Variants in CHD5 observed in about 807,000 individuals in gnomAD.
The protein encoded by CHD5 is chromodomain helicase DNA binding protein 5.
A neutral mutation model predicts 230.3 loss-of-function variants in CHD5; 69 were observed. The ratio of observed to expected loss-of-function variants is 0.30; its 90% CI spans 0.25 to 0.37. The LOEUF is 0.37. Ranked by LOEUF, CHD5 falls within the 10% of genes least tolerant of loss-of-function variation. CHD5 has a pLI of 1.00. For missense variants in CHD5, 1,827 were observed against 2,622.8 expected, an observed-to-expected ratio of 0.70 and a Z score of 6.63; for synonymous variants, 1,064 against 1,065.9, an observed-to-expected ratio of 1.00 and a Z score of 0.03.
intron 1 of CHD5, among the ~76,000 whole-genome samples, chr1:6,173,793 G>A (rs979905974): frequency 4.6e-5 from 7 of 152,204 alleles, no homozygotes; most frequent in Admixed American, 1.3e-4. Flanking sequence ...CACCCTAGAC[G>A]CTGGCCAAGG....
chr1:6,121,784 C>G lies in CHD5; in HGVS notation c.4700-211G>C, dbSNP rs1666475427. Among the ~76,000 whole-genome samples the G allele has an allele frequency of 6.6e-6, 1 of 152,164 alleles. No individual in the cohort carries two copies. The highest frequency in any genetic ancestry group is 2.1e-4 in the South Asian group (1 of 4,824). On this transcript the variant is annotated intron_variant, in intron 31 of 41. Coordinates refer to ENST00000262450, the MANE Select transcript of CHD5 (RefSeq NM_015557.3). The surrounding 1 kb of genome is among the most constrained non-coding windows in gnomAD (Gnocchi z 4.5). ...TCAGGAGTGCTTGGAGGACCTTGAA[C>G]CCAGTAAGACCAAAGTGAGGGGCTG... is the stretch of plus-strand genomic sequence containing the variant.
At chr1:6,122,753 C>A (rs1197263820) in intron 31 of CHD5, among the ~76,000 whole-genome samples, 1 of 152,154 alleles carries the variant, frequency 6.6e-6, no homozygotes, top group African/African-American at 2.4e-5. Context: ...AATGGATAAG[C>A]AAAATGCAGT....
chr1:6,124,194 G>A, intron 30 of CHD5, 87 bp from the exon 31 acceptor site: 5 of 1,273,358 alleles, frequency 3.9e-6, no homozygotes, highest in Non-Finnish European at 5.5e-6. Flanking sequence ...AGCCAGGGGG[G>A]CTGAAAGTGT....
rs759321461 is a variant in CHD5, at chr1:6,128,583, C to A, written c.3646G>T (p.Val1216Phe). ...EGMMSQGQRP[V>F]TPIPDVQSSK... ...GACTGGACATCAGGGATGGGTGTGA[C>A]CGGCCTCTGGCCCTGAGACATCATG... The change falls in exon 24 of 42, where the codon GTC becomes TTC. Residue 1216 changes from valine to phenylalanine, a missense_variant. By Grantham distance (50) the Val-to-Phe change is conservative. This residue lies in a region of CHD5 where 25 missense variants were observed against 20.3 expected (regional missense o/e 1.23). Transcript: ENST00000262450. The surrounding 1 kb of genome is among the most constrained non-coding windows in gnomAD (Gnocchi z 7.8). The A allele has an allele frequency of 6.2e-7, 1 of 1,614,002 alleles. No individual in the cohort carries two copies. Among genetic ancestry groups the A allele is most frequent in the Non-Finnish European group, 8.5e-7 (1 of 1,179,908 alleles).
chr1:6,113,369 A>G (rs765222321), intron 33 of CHD5: 1 of 434,584 alleles, frequency 2.3e-6, no homozygotes, highest in South Asian at 1.6e-5. Flanking sequence ...GGCTCCCATG[A>G]GCCGAGATGG....
At position 6,125,155 on chromosome 1, in the gene CHD5, A is replaced by T; in HGVS notation, c.4339T>A (p.Phe1447Ile). The change falls in exon 29 of 42, where the codon TTC (phenylalanine) becomes ATC (isoleucine). Residue 1447 changes from phenylalanine to isoleucine, a missense_variant. Phe to Ile is a conservative substitution (Grantham distance 21). Coordinates refer to ENST00000262450, the MANE Select transcript of CHD5 (RefSeq NM_015557.3). This position sits in a 1 kb window ranked among gnomAD's most constrained non-coding sequence, Gnocchi z 6.7. ...TCCCGCACCAGCCAGTGGGAGTTGA[A>T]GGCGTCCTGCGGGGGCATGCCCCAG... Reference protein sequence around the residue: ...MRWGMPPQDAFNSHWLVRDLR... With the variant: ...MRWGMPPQDAINSHWLVRDLR... The T allele has an allele frequency of 6.2e-7, 1 of 1,606,272 alleles. No individual in the cohort carries two copies. Among genetic ancestry groups the T allele is most frequent in the Admixed American group, 1.7e-5 (1 of 58,894 alleles).
At chr1:6,122,944 C>A (rs1666494320) in intron 31 of CHD5, among the ~76,000 whole-genome samples, 1 of 151,986 alleles carries the variant, frequency 6.6e-6, no homozygotes, top group African/African-American at 2.4e-5. Flanking sequence ...GTGGCGGGCA[C>A]CTGTAATCCC....
intron 20 of CHD5, among the ~76,000 whole-genome samples, chr1:6,132,428 C>A (rs919935428): frequency 2.0e-5 from 3 of 152,142 alleles, no homozygotes; most frequent in East Asian, 1.9e-4. Context: ...TCTACGGGTT[C>A]ATTTATTTAT....
intron 2 of CHD5, among the ~76,000 whole-genome samples, chr1:6,163,553 A>G (rs1279425518): frequency 6.6e-6 from 1 of 152,222 alleles, no homozygotes; most frequent in Non-Finnish European, 1.5e-5. Flanking sequence ...CTCCTTGCAG[A>G]GAAAGCTGCA....
intron 1 of CHD5, among the ~76,000 whole-genome samples, chr1:6,178,026 G>A (rs529651377): frequency 1.3e-5 from 2 of 152,180 alleles, no homozygotes; most frequent in Non-Finnish European, 2.9e-5. Context: ...ACAGAGGCTT[G>A]GACCCAGAAC....
chr1:6,161,258 G>C (rs1279506098), intron 2 of CHD5, among the ~76,000 whole-genome samples: 1 of 152,122 alleles, frequency 6.6e-6, no homozygotes, highest in Admixed American at 6.5e-5. Flanking sequence ...TGTCAAGAGG[G>C]GATGACCTGC....
intron 9 of CHD5, among the ~76,000 whole-genome samples, chr1:6,148,355 C>G (rs1425282670): frequency 1.3e-5 from 2 of 152,202 alleles, no homozygotes; most frequent in Non-Finnish European, 2.9e-5. Context: ...CTCTCCCTAT[C>G]CCCAGCCTTG....
Position 6,179,875 on chromosome 1 carries a change from T to A in CHD5, c.79+70A>T, listed in dbSNP as rs1667486897. The A allele has an allele frequency of 6.0e-5, 31 of 518,270 alleles. 1 individual carries two copies. In the South Asian group the frequency reaches 2.6e-3, roughly 43 times the overall value. The allele number at this position is 518,270 out of a possible 1,614,324, so 32.1% of individuals were successfully genotyped here. On this transcript the variant is annotated intron_variant, in intron 1 of 41. Coordinates refer to ENST00000262450, the MANE Select transcript of CHD5 (RefSeq NM_015557.3). ...GCCGCGCCGCCCCCGCCGCCCGCGC[T>A]CCGCCCTGGGCCCGGCCCGTCTCGG...
Position 6,102,298 on chromosome 1 carries a change from G to C in CHD5, c.*3176C>G, listed in dbSNP as rs1281184316. 6.1e-6 allele frequency: 1 copy of C among 163,474 alleles called. No homozygotes were observed. The highest frequency in any genetic ancestry group is 1.3e-5 in the Non-Finnish European group (1 of 74,554). The allele number at this position is 163,474 out of a possible 1,614,324, so 10.1% of individuals were successfully genotyped here. The stretch of plus-strand genomic sequence containing the variant: ...AAGAAAAAAAAAACACAACGCCAGT[G>C]AGTTTGGGCTGATGCACCACAACCT... On this transcript the variant is annotated 3_prime_UTR_variant, in exon 42 of 42. Coordinates refer to ENST00000262450, the MANE Select transcript of CHD5 (RefSeq NM_015557.3).
chr1:6,170,909 C>T lies in CHD5; in HGVS notation c.80-2632G>A, dbSNP rs562449081. On this transcript the variant is annotated intron_variant, in intron 1 of 41. Coordinates refer to ENST00000262450, the MANE Select transcript of CHD5 (RefSeq NM_015557.3). ...GATGGGATGCCAGTCCACAACTGCCCGCTCTGCCACCGGGCCTCCGCCTCC... is the reference window on the plus strand; with the variant it reads ...GATGGGATGCCAGTCCACAACTGCCTGCTCTGCCACCGGGCCTCCGCCTCC... Among the ~76,000 whole-genome samples, 12 of 152,292 alleles carry T rather than the reference C, an allele frequency of 7.9e-5. No individual in the cohort carries two copies. The South Asian group carries it at 2.1e-3, about 26-fold the overall frequency.
intron 17 of CHD5, 104 bp from the exon 18 acceptor site, chr1:6,135,507 G>A (rs1158276512): frequency 9.7e-7 from 1 of 1,030,444 alleles, no homozygotes; most frequent in Non-Finnish European, 1.4e-6. Context: ...GGTGAACCAG[G>A]GAGCCCTGGC....
In CHD5 at chr1:6,146,693, C is replaced by G; in HGVS notation, c.1562G>C (p.Trp521Ser). The change falls in exon 10 of 42, where the codon TGG (tryptophan) becomes TCG (serine). Residue 521 changes from tryptophan (W) to serine (S), a missense_variant. Around this residue, in one of 14 missense-constraint regions of CHD5, gnomAD observed 657 missense variants for 816.4 expected, o/e 0.80. Transcript: ENST00000262450. This position sits in a 1 kb window ranked among gnomAD's most constrained non-coding sequence, Gnocchi z 5.1. Reference sequence around the variant, plus strand: ...TAGCTCCTTCACCCAGGAGCAATGCCAGTAGGACAGCCCTGCCCACTTGAC... The same window carrying G: ...TAGCTCCTTCACCCAGGAGCAATGCGAGTAGGACAGCCCTGCCCACTTGAC... ...FFVKWAGLSY[W>S]HCSWVKELQL... 6.2e-7 allele frequency: 1 copy of G among 1,613,914 alleles called. No individual in the cohort carries two copies. The highest frequency in any genetic ancestry group is 8.5e-7 in the Non-Finnish European group (1 of 1,179,982).
In CHD5 at chr1:6,128,710, G is replaced by A; in HGVS notation, c.3620-101C>T. The A allele has an allele frequency of 7.8e-7, 1 of 1,275,606 alleles. No homozygotes were observed. Among genetic ancestry groups the A allele is most frequent in the Non-Finnish European group, 1.1e-6 (1 of 890,566 alleles). The allele number at this position is 1,275,606 out of a possible 1,614,324, so 79.0% of individuals were successfully genotyped here. A position where few individuals can be genotyped will look rare whatever the true frequency, so the allele number is the denominator to read the frequency against. On this transcript the variant is annotated intron_variant, in intron 23 of 41. Coordinates refer to ENST00000262450, the MANE Select transcript of CHD5 (RefSeq NM_015557.3). This position sits in a 1 kb window ranked among gnomAD's most constrained non-coding sequence, Gnocchi z 7.8. ...CCACCCTGGGCTGTCCTAGCCAGGA[G>A]ATACAGGTGGGGGGTGCAGAAGAGA...
chr1:6,164,745 G>T (rs1667226825), intron 2 of CHD5, among the ~76,000 whole-genome samples: 2 of 152,164 alleles, frequency 1.3e-5, no homozygotes, highest in African/African-American at 2.4e-5. Context: ...CCCGAGCCAG[G>T]CTCTCAAATG....
Sources: allele counts gnomAD v4.1 joint callset (sites outside exome capture counted in the v4.1 genomes callset), GRCh38; gene constraint gnomAD v4.1.1; regional missense constraint gnomAD v4.1.1; non-coding constraint Gnocchi (gnomAD v3.1); transcripts MANE v1.5; gene names NCBI Gene and HGNC (gene_info 2026-07-23, HGNC 2026-07-21).